The following LIPC variants were observed in gnomAD, a reference collection of about 807,000 sequenced individuals.
LIPC encodes hepatic triacylglycerol lipase.
Under a neutral mutation model 50.7 loss-of-function variants are expected in LIPC, and 44 were observed. The observed-to-expected ratio is 0.87, with a 90% confidence interval of 0.68 to 1.11. LIPC has a LOEUF of 1.11. Among genes scored for constraint, LIPC ranks in the 50% most tolerant of loss-of-function variants. LIPC has a pLI of 0.00. For synonymous variants in LIPC, 271 were observed against 256.4 expected (o/e 1.06, Z -0.54); for missense variants, 697 against 648.2 (o/e 1.08, Z -0.82).
intron 1 of LIPC, among the ~76,000 whole-genome samples, chr15:58,464,302 T>C (rs1310614319): frequency 1.3e-5 from 2 of 152,162 alleles, no homozygotes; most frequent in East Asian, 1.9e-4. Flanking sequence ...CACCTGTAGG[T>C]GGGTAGTGCC....
chr15:58,511,619 C>T (rs929904839), intron 1 of LIPC, among the ~76,000 whole-genome samples: 6 of 152,096 alleles, frequency 3.9e-5, no homozygotes, highest in African/African-American at 7.2e-5. Context: ...GCTAAATTGG[C>T]GCTGACAACT....
In LIPC at chr15:58,516,164, G is replaced by A. The variant is rs115700291; in HGVS notation, c.89-22169G>A. On this transcript the variant is annotated intron_variant, in intron 1 of 8. Transcript: ENST00000299022. ...GCCCCATTGTCTTCTGGTAGGCCTCGTTTCTGGGAAGACGTCTATTGAATT... is the reference window on the plus strand; with the variant it reads ...GCCCCATTGTCTTCTGGTAGGCCTCATTTCTGGGAAGACGTCTATTGAATT... 8.4e-3 allele frequency among the ~76,000 whole-genome samples: 1,250 copies of A among 149,420 alleles called. 16 individuals are homozygous for A. The highest frequency in any genetic ancestry group is 0.028 in the African/African-American group (1,144 of 40,642).
chr15:58,563,446 A>G lies in LIPC; in HGVS notation c.1170-59A>G, dbSNP rs914042993. 1.2e-5 allele frequency: 16 copies of G among 1,384,062 alleles called. No individual in the cohort carries two copies. The East Asian group carries it at 1.6e-4, about 14-fold the overall frequency. The allele number at this position is 1,384,062 out of a possible 1,614,324, so 85.7% of individuals were successfully genotyped here. ...ACACAACACATCCTGAATGTGTGTG[A>G]CCGTCACTTTGCTGTTACGACTAAA... is the stretch of plus-strand genomic sequence containing the variant. On this transcript the variant is annotated intron_variant, in intron 7 of 8. Transcript: ENST00000299022.
chr15:58,531,072 C>T (rs528567658), intron 1 of LIPC, among the ~76,000 whole-genome samples: 10 of 152,320 alleles, frequency 6.6e-5, no homozygotes, highest in African/African-American at 2.4e-4. Context: ...AAGAACTTGT[C>T]AAACGGTTTT....
At chr15:58,439,116 G>A (rs772278410) in intron 1 of LIPC, among the ~76,000 whole-genome samples, 10 of 152,164 alleles carry the variant, frequency 6.6e-5, no homozygotes, top group South Asian at 4.1e-4. Context: ...TGTAGGTGGC[G>A]ACGCTGAGTA....
At chr15:58,488,328 G>A (rs1439469920) in intron 1 of LIPC, among the ~76,000 whole-genome samples, 1 of 152,192 alleles carries the variant, frequency 6.6e-6, no homozygotes, top group Admixed American at 6.5e-5. Context: ...CCAGCAATCT[G>A]ACGTCCACAC....
At chr15:58,442,205 G>A (rs146238889) in intron 1 of LIPC, among the ~76,000 whole-genome samples, 5 of 152,268 alleles carry the variant, frequency 3.3e-5, no homozygotes, top group African/African-American at 9.6e-5. Context: ...AATGGTCATC[G>A]TGGTGCCAGG....
chr15:58,457,321 G>A (rs1458527620), intron 1 of LIPC, among the ~76,000 whole-genome samples: 2 of 152,182 alleles, frequency 1.3e-5, no homozygotes, highest in African/African-American at 4.8e-5. Flanking sequence ...CTTTGGTCAT[G>A]CTGGTCTCAA....
intron 2 of LIPC, among the ~76,000 whole-genome samples, chr15:58,539,164 A>T (rs2233741): frequency 0.12 from 18,070 of 152,220 alleles, 1,259 homozygotes; most frequent in East Asian, 0.32. Flanking sequence ...AGCACAATGT[A>T]GTAAAAGATG....
intron 1 of LIPC, among the ~76,000 whole-genome samples, chr15:58,528,574 T>C: frequency 6.6e-6 from 1 of 152,240 alleles, no homozygotes; most frequent in African/African-American, 2.4e-5. Flanking sequence ...AGTGGCACAA[T>C]CACTGCTCAC....
chr15:58,563,561 A>C lies in LIPC; in HGVS notation c.1226A>C (p.Asp409Ala), dbSNP rs142036980. Residue 409 changes from aspartate (D) to alanine (A), a missense_variant, in exon 8 of 9, where the codon GAT (aspartate) becomes GCT (alanine). Asp to Ala is a moderately radical substitution (Grantham distance 126). Transcript: ENST00000299022. The part of the protein sequence containing the change: ...TYSFLITLDV[D>A]IGELIMIKFK... ...TCCTTTCTTATCACGCTGGATGTGG[A>C]TATCGGCGAGCTGATCATGATCAAG... The C allele has an allele frequency of 3.3e-4, 525 of 1,614,210 alleles. No homozygotes were observed. Among genetic ancestry groups the C allele is most frequent in the African/African-American group, 2.5e-3 (185 of 75,056 alleles).
intron 1 of LIPC, among the ~76,000 whole-genome samples, chr15:58,468,364 C>A (rs187673322): frequency 3.8e-4 from 58 of 152,292 alleles, no homozygotes. Flanking sequence ...CACCTGGGAA[C>A]TTGTTAGACA....
At chr15:58,445,617 A>G (rs1388614326) in intron 1 of LIPC, among the ~76,000 whole-genome samples, 2 of 152,140 alleles carry the variant, frequency 1.3e-5, no homozygotes, top group Non-Finnish European at 2.9e-5. Context: ...GAAATAAACC[A>G]TGGGTCCCTG....
intron 1 of LIPC, among the ~76,000 whole-genome samples, chr15:58,474,896 C>T (rs1199781985): frequency 6.6e-6 from 1 of 152,216 alleles, no homozygotes; most frequent in East Asian, 1.9e-4. Context: ...TCCCAGAGAG[C>T]AACTGCTGCT....
intron 1 of LIPC, among the ~76,000 whole-genome samples, chr15:58,504,172 C>T (rs1892073830): frequency 1.3e-5 from 2 of 152,200 alleles, no homozygotes; most frequent in African/African-American, 4.8e-5. Context: ...TCCCTCCAAA[C>T]CCCCTCAAGA....
chr15:58,545,905 C>T lies in LIPC; in HGVS notation c.738C>T (p.Asn246=), dbSNP rs778111687. 4.6e-5 allele frequency: 74 copies of T among 1,614,024 alleles called. No individual in the cohort carries two copies. The highest frequency in any genetic ancestry group is 6.7e-5 in the Admixed American group (4 of 60,004). ...TAGGACACTATGACTTCTATCCCAA[C>T]GGGGGCTCCTTCCAGCCTGGCTGCC... ...QPIGHYDFYP[N]GGSFQPGCHF... The change falls in exon 5 of 9, where the codon AAC becomes AAT. Residue 246 remains asparagine (N), a synonymous_variant. Coordinates refer to ENST00000299022, the MANE Select transcript of LIPC (RefSeq NM_000236.3).
intron 8 of LIPC, chr15:58,564,072 G>C (rs973185458): frequency 2.8e-6 from 1 of 358,146 alleles, no homozygotes; most frequent in Non-Finnish European, 5.4e-6. Flanking sequence ...CCAAGGTGCT[G>C]TGGTAGATGC....
chr15:58,465,890 G>A (rs565679394), intron 1 of LIPC, among the ~76,000 whole-genome samples: 1 of 152,156 alleles, frequency 6.6e-6, no homozygotes, highest in Admixed American at 6.6e-5. Flanking sequence ...CATAGCCCTC[G>A]ATGTCTACCG....
intron 1 of LIPC, among the ~76,000 whole-genome samples, chr15:58,438,623 T>G (rs1893395005): frequency 1.3e-5 from 2 of 152,296 alleles, no homozygotes; most frequent in Admixed American, 1.3e-4. Flanking sequence ...GGTCTTACAT[T>G]CAGGTACCTA....
Sources: gnomAD v4.1 joint callset for allele counts (sites outside exome capture counted in the v4.1 genomes callset) on GRCh38, gnomAD v4.1.1 for gene constraint, MANE v1.5 for transcripts, NCBI Gene and HGNC (gene_info 2026-07-23, HGNC 2026-07-21) for gene names.